GALNTL6: variants seen among roughly 807,000 people sequenced by gnomAD.
GALNTL6 encodes polypeptide N-acetylgalactosaminyltransferase like 6, also known as polypeptide N-acetylgalactosaminyltransferase-like 6.
In GALNTL6, 46 loss-of-function variants were observed where a neutral mutation model predicts 73.7. The observed-to-expected ratio is 0.62, with a 90% confidence interval of 0.49 to 0.80. GALNTL6 has a LOEUF of 0.80. Ranked by LOEUF, GALNTL6 falls within the 30% of genes least tolerant of loss-of-function variation. GALNTL6 has a pLI of 0.00. For synonymous variants in GALNTL6, 259 were observed against 263.7 expected, an observed-to-expected ratio of 0.98 and a Z score of 0.17; for missense variants, 604 against 755.0, an observed-to-expected ratio of 0.80 and a Z score of 2.34.
chr4:171,913,667 A>G (rs1255202934), intron 2 of GALNTL6, among the ~76,000 whole-genome samples: 2 of 152,236 alleles, frequency 1.3e-5, no homozygotes, highest in African/African-American at 4.8e-5. Context: ...ATTATATCAA[A>G]GGAAATTGAT....
chr4:173,035,603 T>C (rs1370759692), intron 12 of GALNTL6, among the ~76,000 whole-genome samples: 1 of 152,208 alleles, frequency 6.6e-6, no homozygotes, highest in Non-Finnish European at 1.5e-5. Context: ...TTCATAAATA[T>C]TTGTCAAACT....
chr4:173,013,763 A>G (rs1481319185), intron 11 of GALNTL6, among the ~76,000 whole-genome samples: 3 of 152,202 alleles, frequency 2.0e-5, no homozygotes, highest in Non-Finnish European at 4.4e-5. Context: ...AATAAGGTTG[A>G]TAAGTGGTGG....
chr4:172,516,889 TA>T (rs1371565924), intron 5 of GALNTL6, among the ~76,000 whole-genome samples: 3 of 152,158 alleles, frequency 2.0e-5, no homozygotes, highest in Non-Finnish European at 4.4e-5. Flanking sequence ...ACAACATGGA[TA>T]AACCTTAAAG....
chr4:172,995,220 A>G (rs1055737213), intron 10 of GALNTL6, among the ~76,000 whole-genome samples: 1 of 152,186 alleles, frequency 6.6e-6, no homozygotes, highest in African/African-American at 2.4e-5. Flanking sequence ...AGGAATATTA[A>G]ATGTGGAGAC....
chr4:172,580,749 A>G (rs1737149160), intron 5 of GALNTL6, among the ~76,000 whole-genome samples: 1 of 152,032 alleles, frequency 6.6e-6, no homozygotes, highest in Non-Finnish European at 1.5e-5. Flanking sequence ...TAACTGTAGG[A>G]TTTTTGTTTT....
At chr4:172,313,970 C>T (rs546013962) in intron 4 of GALNTL6, among the ~76,000 whole-genome samples, 37 of 152,168 alleles carry the variant, frequency 2.4e-4, no homozygotes, top group Non-Finnish European at 5.1e-4. Flanking sequence ...CCATGCTCCA[C>T]CTGCAGGAAA....
chr4:172,734,757 C>T (rs1423388136), intron 5 of GALNTL6, among the ~76,000 whole-genome samples: 2 of 152,064 alleles, frequency 1.3e-5, no homozygotes, highest in Non-Finnish European at 2.9e-5. Flanking sequence ...AAATGGTTTC[C>T]TGGGCCAGGT....
intron 5 of GALNTL6, among the ~76,000 whole-genome samples, chr4:172,754,621 A>T (rs1737635046): frequency 6.6e-6 from 1 of 152,156 alleles, no homozygotes; most frequent in African/African-American, 2.4e-5. Flanking sequence ...TAAAATGAAT[A>T]TGCATTATAG....
intron 12 of GALNTL6, among the ~76,000 whole-genome samples, chr4:173,022,582 T>G (rs1210260299): frequency 6.6e-6 from 1 of 152,232 alleles, no homozygotes. Flanking sequence ...CTGTCTGGGT[T>G]AAGACAATGA....
At chr4:172,878,624 G>A (rs1745305244) in intron 7 of GALNTL6, among the ~76,000 whole-genome samples, 1 of 151,658 alleles carries the variant, frequency 6.6e-6, no homozygotes, top group Non-Finnish European at 1.5e-5. Context: ...CACTTAAAAT[G>A]AAGAAACAAG....
At chr4:172,655,531 A>C (rs1730948935) in intron 5 of GALNTL6, among the ~76,000 whole-genome samples, 1 of 152,200 alleles carries the variant, frequency 6.6e-6, no homozygotes, top group African/African-American at 2.4e-5. Context: ...AGAATGGGTA[A>C]GTAACTTGTC....
At chr4:172,375,741 AC>A (rs1442814188) in intron 5 of GALNTL6, among the ~76,000 whole-genome samples, 2 of 152,070 alleles carry the variant, frequency 1.3e-5, no homozygotes, top group East Asian at 3.9e-4. Context: ...ATTCTTGAAA[AC>A]CTGCACTCTT....
At chr4:172,497,779 C>T (rs1005755521) in intron 5 of GALNTL6, among the ~76,000 whole-genome samples, 5 of 152,064 alleles carry the variant, frequency 3.3e-5, no homozygotes, top group East Asian at 1.9e-4. Flanking sequence ...CAGAAAAATA[C>T]GAAAGGAAAG....
At chr4:172,186,325 G>C (rs902250474) in intron 2 of GALNTL6, among the ~76,000 whole-genome samples, 2 of 152,070 alleles carry the variant, frequency 1.3e-5, no homozygotes, top group African/African-American at 2.4e-5. Flanking sequence ...ATCGCTGTTG[G>C]GGCTGTGAAA....
chr4:172,328,974 C>G (rs1578960243), intron 4 of GALNTL6, among the ~76,000 whole-genome samples: 1 of 152,308 alleles, frequency 6.6e-6, no homozygotes, highest in African/African-American at 2.4e-5. Context: ...GGTTCTTTCT[C>G]ATCTCTGGGT....
At chr4:172,271,359 G>A (rs990609277) in intron 3 of GALNTL6, among the ~76,000 whole-genome samples, 2 of 152,032 alleles carry the variant, frequency 1.3e-5, no homozygotes, top group African/African-American at 2.4e-5. Context: ...TTTACATATA[G>A]ACACACACAT....
chr4:172,952,143 A>G lies in GALNTL6; in HGVS notation c.1256A>G (p.Lys419Arg). The G allele has an allele frequency of 1.2e-6, 2 of 1,613,914 alleles. No homozygotes were observed. Among genetic ancestry groups the G allele is most frequent in the Non-Finnish European group, 1.7e-6 (2 of 1,179,810 alleles). Reference sequence around the variant, plus strand: ...TCCACGGGGGACATCTCTGCCCAGAAGGAGCTGCGCAAGCAGCTCAAGTGC... The same window carrying G: ...TCCACGGGGGACATCTCTGCCCAGAGGGAGCTGCGCAAGCAGCTCAAGTGC... ...HLSTGDISAQ[K>R]ELRKQLKCKD... The change falls in exon 10 of 13, where the codon AAG becomes AGG. Residue 419 changes from lysine (K) to arginine (R), a missense_variant. Lys to Arg is a conservative substitution (Grantham distance 26). Transcript: ENST00000506823.
intron 8 of GALNTL6, among the ~76,000 whole-genome samples, chr4:172,916,825 A>C (rs1747547611): frequency 6.6e-6 from 1 of 152,224 alleles, no homozygotes; most frequent in Non-Finnish European, 1.5e-5. Flanking sequence ...ATACTGCCCA[A>C]GGTAATTTAT....
At chr4:172,978,335 G>C (rs1225367371) in intron 10 of GALNTL6, among the ~76,000 whole-genome samples, 1 of 152,108 alleles carries the variant, frequency 6.6e-6, no homozygotes, top group Non-Finnish European at 1.5e-5. Flanking sequence ...GAAGAAAAGT[G>C]AGCACGTTAG....
Sources: gnomAD v4.1 joint callset for allele counts (sites outside exome capture counted in the v4.1 genomes callset) on GRCh38, gnomAD v4.1.1 for gene constraint, MANE v1.5 for transcripts, NCBI Gene and HGNC (gene_info 2026-07-23, HGNC 2026-07-21) for gene names.